FOXK2: variants seen among roughly 807,000 people sequenced by gnomAD.
FOXK2 encodes forkhead box K2.
Under a neutral mutation model 53.3 loss-of-function variants are expected in FOXK2, and 24 were observed. That is an observed-to-expected ratio of 0.45 (90% CI 0.33 to 0.63). The LOEUF (loss-of-function observed/expected upper bound fraction) is 0.63, where lower values mean the gene tolerates loss of function less well. FOXK2 is among the 30% of genes least tolerant of loss of function. The pLI is 0.03. For synonymous variants in FOXK2, 505 were observed against 407.1 expected (o/e 1.24, Z -2.89); for missense variants, 952 against 910.5 (o/e 1.05, Z -0.59).
chr17:82,587,641 G>T, intron 8 of FOXK2: 1 of 329,754 alleles, frequency 3.0e-6, no homozygotes, highest in Non-Finnish European at 5.9e-6. Context: ...ATGCTGCTGA[G>T]GGTGGGAGAG....
At chr17:82,531,353 G>A (rs1250167107) in intron 1 of FOXK2, among the ~76,000 whole-genome samples, 1 of 152,178 alleles carries the variant, frequency 6.6e-6, no homozygotes, top group East Asian at 1.9e-4. Context: ...ATTCACTTCT[G>A]ATTCTACAGT....
At chr17:82,557,685 G>C (rs1409959570) in intron 1 of FOXK2, among the ~76,000 whole-genome samples, 2 of 151,990 alleles carry the variant, frequency 1.3e-5, no homozygotes, top group African/African-American at 4.8e-5. Flanking sequence ...ATCTTGCTCT[G>C]TTGTCCAGGC....
chr17:82,580,292 T>A (rs1287976463), intron 4 of FOXK2, among the ~76,000 whole-genome samples: 14 of 100,100 alleles, frequency 1.4e-4, no homozygotes, highest in Admixed American at 3.1e-4. Flanking sequence ...GGCCCAGCCC[T>A]CCTCTCCATG....
intron 1 of FOXK2, among the ~76,000 whole-genome samples, chr17:82,553,809 A>C (rs1427643782): frequency 6.6e-6 from 1 of 151,766 alleles, no homozygotes; most frequent in Non-Finnish European, 1.5e-5. Context: ...CAGATGGTGG[A>C]TGGGCTGTGG....
intron 2 of FOXK2, among the ~76,000 whole-genome samples, chr17:82,566,068 G>C (rs1242733249): frequency 6.6e-6 from 1 of 152,104 alleles, no homozygotes; most frequent in Non-Finnish European, 1.5e-5. Flanking sequence ...AGGGGCTGGG[G>C]GCGGGGAGGG....
intron 1 of FOXK2, among the ~76,000 whole-genome samples, chr17:82,536,698 TCTTCG>T (rs1434200311): frequency 3.3e-5 from 5 of 151,718 alleles, no homozygotes; most frequent in Non-Finnish European, 5.9e-5. Context: ...GCCGAGGAGG[TCTTCG>T]CAGAGGGGGC....
chr17:82,585,728 T>C (rs2045129626), intron 6 of FOXK2, among the ~76,000 whole-genome samples, 176 bp from the exon 7 acceptor site: 1 of 152,230 alleles, frequency 6.6e-6, no homozygotes, highest in Admixed American at 6.5e-5. Flanking sequence ...TAAATACCCC[T>C]TTTAAAATAC....
At chr17:82,576,725 C>G (rs2044990952) in intron 4 of FOXK2, 1 of 888,690 alleles carries the variant, frequency 1.1e-6, no homozygotes, top group South Asian at 1.6e-5. Context: ...CTCTGTAGTC[C>G]AAAACCGTGA....
intron 1 of FOXK2, among the ~76,000 whole-genome samples, chr17:82,558,920 G>A (rs2044761613): frequency 6.6e-6 from 1 of 152,042 alleles, no homozygotes; most frequent in South Asian, 2.1e-4. Context: ...CTAGTTTTTT[G>A]TGTTTTTTTC....
At chr17:82,524,341 T>G (rs1352433335) in intron 1 of FOXK2, among the ~76,000 whole-genome samples, 1 of 152,228 alleles carries the variant, frequency 6.6e-6, no homozygotes, top group Non-Finnish European at 1.5e-5. Flanking sequence ...TGAATTTATG[T>G]TTTGAATTTA....
Position 82,568,148 on chromosome 17 carries a change from G to C in FOXK2, c.709G>C (p.Asp237His). 6.2e-7 allele frequency: 1 copy of C among 1,613,788 alleles called. No homozygotes were observed. Among genetic ancestry groups the C allele is most frequent in the South Asian group, 1.1e-5 (1 of 91,054 alleles). The change falls in exon 3 of 9, where the codon GAC becomes CAC. Residue 237 changes from aspartate to histidine, a missense_variant. Asp to His is a moderately conservative substitution (Grantham distance 81). Around this residue, in one of 5 missense-constraint regions of FOXK2, gnomAD observed 160 missense variants for 214.2 expected, o/e 0.75. Transcript: ENST00000335255. ...GCCATCTGACCTCAATTTAATGGCT[G>C]ACAACTCACAGCCTGAAAATGAAAA... ...VMPSDLNLMA[D>H]NSQPENEKEA...
intron 8 of FOXK2, chr17:82,595,885 CAA>C (rs1222661232): frequency 7.0e-6 from 9 of 1,284,940 alleles, no homozygotes; most frequent in Non-Finnish European, 9.1e-6. Flanking sequence ...CTTCTGGAGA[CAA>C]GAGCAAAGCC....
intron 8 of FOXK2, among the ~76,000 whole-genome samples, chr17:82,595,003 G>A (rs2045295190): frequency 6.6e-6 from 1 of 152,210 alleles, no homozygotes; most frequent in African/African-American, 2.4e-5. Flanking sequence ...TCGCCCCACT[G>A]CACTCCATCC....
At chr17:82,529,944 T>G (rs1343978985) in intron 1 of FOXK2, among the ~76,000 whole-genome samples, 1 of 152,206 alleles carries the variant, frequency 6.6e-6, no homozygotes, top group Non-Finnish European at 1.5e-5. Context: ...AATACCTTAG[T>G]TACATTGATA....
chr17:82,603,164 A>G lies in FOXK2; in HGVS notation c.*1665A>G, dbSNP rs1354439866. ...CTGGATTATCACTCAGCCGTTTAAG[A>G]AATAAAAGCAAAACCATCACGTGAC... On this transcript the variant is annotated 3_prime_UTR_variant, in exon 9 of 9. Transcript: ENST00000335255. The G allele has an allele frequency of 6.6e-6, 1 of 152,422 alleles. No individual in the cohort carries two copies. The highest frequency in any genetic ancestry group is 2.4e-5 in the African/African-American group (1 of 41,470). 9.4% of individuals were successfully genotyped at this position (152,422 alleles called of 1,614,324 possible). A position where few individuals can be genotyped will look rare whatever the true frequency, so the allele number is the denominator to read the frequency against.
intron 6 of FOXK2, among the ~76,000 whole-genome samples, chr17:82,585,464 G>GT (rs1020744062): frequency 7.2e-5 from 11 of 152,132 alleles, no homozygotes; most frequent in African/African-American, 2.7e-4. Flanking sequence ...AGCTGGGGCT[G>GT]TAGGCGCACA....
At chr17:82,586,254 C>CAGTGGGGAAAGGAGGAGAGGGGAGA in intron 7 of FOXK2, 54 bp downstream of exon 7, 1 of 162,490 alleles carries the variant, frequency 6.2e-6, no homozygotes, top group Non-Finnish European at 9.7e-6. Flanking sequence ...GAAAGGTGGG[C>CAGTGGGGAAAGGAGGAGAGGGGAGA]CGGGGGGGGA....
At chr17:82,556,235 GGA>G (rs556120856) in intron 1 of FOXK2, among the ~76,000 whole-genome samples, 187 of 152,024 alleles carry the variant, frequency 1.2e-3, no homozygotes, top group Non-Finnish European at 2.1e-3. Flanking sequence ...CATGAGGTCA[GGA>G]GATTGAGACC....
chr17:82,532,175 G>A (rs1452395399), intron 1 of FOXK2, among the ~76,000 whole-genome samples: 2 of 151,162 alleles, frequency 1.3e-5, no homozygotes, highest in Non-Finnish European at 2.9e-5. Context: ...ATGGAGTTTC[G>A]CTCTTGTTGC....
Sources: allele counts gnomAD v4.1 joint callset (sites outside exome capture counted in the v4.1 genomes callset), GRCh38; gene constraint gnomAD v4.1.1; regional missense constraint gnomAD v4.1.1; transcripts MANE v1.5; gene names NCBI Gene and HGNC (gene_info 2026-07-23, HGNC 2026-07-21).